TMX3: variants seen among roughly 807,000 people sequenced by gnomAD.
TMX3 encodes thioredoxin related transmembrane protein 3, also known as protein disulfide-isomerase TMX3.
TMX3 carries 40 observed loss-of-function variants against 64.4 expected under a neutral mutation model. The observed-to-expected ratio is 0.62, with a 90% confidence interval of 0.48 to 0.81. The LOEUF (loss-of-function observed/expected upper bound fraction) is 0.81. Among genes scored for constraint, TMX3 ranks in the 30% least tolerant of loss-of-function variants. The pLI is 0.00. For synonymous variants in TMX3, 189 were observed against 175.7 expected (o/e 1.08, Z -0.60); for missense variants, 497 against 534.5 (o/e 0.93, Z 0.69).
chr18:68,704,772 A>T (rs984955422), intron 4 of TMX3, among the ~76,000 whole-genome samples: 33 of 152,312 alleles, frequency 2.2e-4, no homozygotes, highest in Admixed American at 8.5e-4. Context: ...GAAGTCTTCT[A>T]CTTCATTTCT....
chr18:68,715,021 AGGGATAAAGACACTGGG>A lies in TMX3; in HGVS notation c.-57_-41del. 1 of 1,555,100 alleles carries A rather than the reference AGGGATAAAGACACTGGG, an allele frequency of 6.4e-7. No homozygotes were observed. The highest frequency in any genetic ancestry group is 8.7e-7 in the Non-Finnish European group (1 of 1,149,658). On this transcript the variant is annotated 5_prime_UTR_variant, in exon 1 of 16. Transcript: ENST00000299608. Reference sequence around the variant, plus strand: ...GCTGCAGAAGCTGACTGTGCAAAAGAGGGATAAAGACACTGGGGTCCGCCGCCTGCCCGCCCGGAAAG... The same window carrying A: ...GCTGCAGAAGCTGACTGTGCAAAAGAGTCCGCCGCCTGCCCGCCCGGAAAG...
At chr18:68,688,387 T>C (rs1035644950) in intron 9 of TMX3, 1 of 152,180 alleles carries the variant, frequency 6.6e-6, no homozygotes, top group Non-Finnish European at 1.5e-5. Flanking sequence ...TTTTCCAATA[T>C]AAAATAATTC....
chr18:68,677,371 T>C (rs1913024725), intron 15 of TMX3, among the ~76,000 whole-genome samples, 178 bp from the exon 16 acceptor site: 1 of 152,164 alleles, frequency 6.6e-6, no homozygotes, highest in South Asian at 2.1e-4. Context: ...AGAGATATAA[T>C]TTCTATATGC....
rs1176607314 is a variant in TMX3 at position 68,711,383 on chromosome 18, T to C, written c.122A>G (p.Asp41Gly). ...ACTTACATCTACAAGCCAAATGTCA[T>C]CATTTCGATTTTCTTTAAACCTAAA... Reference protein sequence around the residue: ...LDESFKENRNDDIWLVDFYAP... With the variant: ...LDESFKENRNGDIWLVDFYAP... The change falls in exon 3 of 16, where the codon GAT becomes GGT. Residue 41 changes from aspartate to glycine, a missense_variant. Asp to Gly is a moderately conservative substitution (Grantham distance 94, BLOSUM62 -1). Around this residue, in one of 3 missense-constraint regions of TMX3, gnomAD observed 360 missense variants for 383.5 expected, o/e 0.94. Coordinates refer to ENST00000299608, the MANE Select transcript of TMX3 (RefSeq NM_019022.5). 3 of 1,591,968 alleles carry C rather than the reference T, an allele frequency of 1.9e-6. No individual in the cohort carries two copies. Among genetic ancestry groups the C allele is most frequent in the Non-Finnish European group, 1.7e-6 (2 of 1,166,068 alleles).
At chr18:68,701,841 A>C (rs1352944298) in intron 4 of TMX3, 51 bp from the exon 5 acceptor site, 1 of 1,465,588 alleles carries the variant, frequency 6.8e-7, no homozygotes, top group East Asian at 2.3e-5. Flanking sequence ...AATATGAGAA[A>C]CTAGGTAACA....
intron 10 of TMX3, 120 bp downstream of exon 10, chr18:68,687,547 T>C (rs1914083930): frequency 1.4e-6 from 2 of 1,470,552 alleles, no homozygotes; most frequent in Admixed American, 2.7e-5. Context: ...GGCATTCAGA[T>C]CTAAAATAAA....
intron 2 of TMX3, among the ~76,000 whole-genome samples, chr18:68,713,046 C>T (rs2031446799): frequency 6.6e-6 from 1 of 151,556 alleles, no homozygotes; most frequent in Non-Finnish European, 1.5e-5. Flanking sequence ...CCTCAGTGTT[C>T]CATCTCTCCC....
chr18:68,676,854 C>T lies in TMX3; in HGVS notation c.*79G>A. On this transcript the variant is annotated 3_prime_UTR_variant, in exon 16 of 16. Transcript: ENST00000299608. ...ATAACATGTTCTTTTCTGTAAAGAT[C>T]ATGATTAAATGTCTAAATTCAATAA... 1 of 1,504,920 alleles carries T rather than the reference C, an allele frequency of 6.6e-7. No homozygotes were observed. The highest frequency in any genetic ancestry group is 8.9e-7 in the Non-Finnish European group (1 of 1,121,252). The allele number at this position is 1,504,920 out of a possible 1,614,324, so 93.2% of individuals were successfully genotyped here.
At chr18:68,711,269 T>C in intron 3 of TMX3, 95 bp downstream of exon 3, 1 of 790,228 alleles carries the variant, frequency 1.3e-6, no homozygotes, top group Non-Finnish European at 2.0e-6. Flanking sequence ...ACATAAGCAC[T>C]AGCTGTTTAC....
At chr18:68,708,348 A>AT (rs2030932186) in intron 4 of TMX3, among the ~76,000 whole-genome samples, 1 of 152,110 alleles carries the variant, frequency 6.6e-6, no homozygotes, top group South Asian at 2.1e-4. Context: ...AAGACCACAA[A>AT]TTCAAAATCA....
rs1365003798 is a variant in TMX3 at position 68,674,477 on chromosome 18, C to T, written c.*2456G>A. 3 of 151,964 alleles carry T rather than the reference C, an allele frequency of 2.0e-5. No individual in the cohort carries two copies. The highest frequency in any genetic ancestry group is 4.4e-5 in the Non-Finnish European group (3 of 67,958). The allele number at this position is 151,964 out of a possible 1,614,324, so 9.4% of individuals were successfully genotyped here. A position where few individuals can be genotyped will look rare whatever the true frequency, so the allele number is the denominator to read the frequency against. On this transcript the variant is annotated 3_prime_UTR_variant, in exon 16 of 16. Coordinates refer to ENST00000299608, the MANE Select transcript of TMX3 (RefSeq NM_019022.5). ...GCAATTAAAAGAGAAGGCAAAAATT[C>T]CAACTTCCTGAAGGACCCCATTATT...
chr18:68,708,624 C>A (rs2030959781), intron 4 of TMX3, among the ~76,000 whole-genome samples: 1 of 152,136 alleles, frequency 6.6e-6, no homozygotes, highest in Non-Finnish European at 1.5e-5. Flanking sequence ...CTTAGATGAT[C>A]TCCCTGTTTC....
At chr18:68,683,485 T>C (rs949457952) in intron 12 of TMX3, among the ~76,000 whole-genome samples, 4 of 152,158 alleles carry the variant, frequency 2.6e-5, no homozygotes, top group African/African-American at 9.6e-5. Context: ...TATATGTATT[T>C]CCGATGCCAT....
Position 68,675,182 on chromosome 18 carries a change from G to A in TMX3, c.*1751C>T, listed in dbSNP as rs771326271. On this transcript the variant is annotated 3_prime_UTR_variant, in exon 16 of 16. Transcript: ENST00000299608. ...CTTTTCACTACTGCAAAACAAGCTT[G>A]ACTATTGGGAACATTAACATTTATC... is the stretch of plus-strand genomic sequence containing the variant. 1 of 152,054 alleles carries A rather than the reference G, an allele frequency of 6.6e-6. No individual in the cohort carries two copies. Among genetic ancestry groups the A allele is most frequent in the Non-Finnish European group, 1.5e-5 (1 of 67,976 alleles). The allele number at this position is 152,054 out of a possible 1,614,324, so 9.4% of individuals were successfully genotyped here. A position where few individuals can be genotyped will look rare whatever the true frequency, so the allele number is the denominator to read the frequency against.
intron 8 of TMX3, among the ~76,000 whole-genome samples, chr18:68,695,302 T>C (rs1762403821): frequency 6.6e-6 from 1 of 152,188 alleles, no homozygotes; most frequent in Admixed American, 6.5e-5. Context: ...TTTTTCCTAA[T>C]TTACTATTTC....
chr18:68,677,974 T>C (rs1399746253), intron 15 of TMX3, among the ~76,000 whole-genome samples: 1 of 152,024 alleles, frequency 6.6e-6, no homozygotes, highest in East Asian at 1.9e-4. Context: ...ACGAGGAAAA[T>C]ACTTTAGATG....
rs1184033393 is a variant in TMX3, at chr18:68,700,473, G to C, written c.324C>G (p.Asp108Glu). Residue 108 changes from aspartate to glutamate, a missense_variant, in exon 6 of 16, where the codon GAC (aspartate) becomes GAG (glutamate). By Grantham distance (45) the Asp-to-Glu change is conservative. Transcript: ENST00000299608. ...GYPTIKLLKG[D>E]LAYNYRGPRT... Reference sequence around the variant, plus strand: ...GTGGTCCTCTATAATTATATGCCAAGTCCCCTTTTAATCTTTAAAAAAAAA... The same window carrying C: ...GTGGTCCTCTATAATTATATGCCAACTCCCCTTTTAATCTTTAAAAAAAAA... The C allele has an allele frequency of 3.2e-6, 5 of 1,544,250 alleles. No individual in the cohort carries two copies. The East Asian group carries it at 9.3e-5, about 29-fold the overall frequency.
In TMX3 at chr18:68,705,161, T is replaced by C. The variant is rs147461334; in HGVS notation, c.266-3371A>G. Among the ~76,000 whole-genome samples, 1,101 of 152,218 alleles carry C rather than the reference T, an allele frequency of 7.2e-3. 24 individuals carry two copies. Among genetic ancestry groups the C allele is most frequent in the East Asian group, 0.052 (268 of 5,172 alleles). On this transcript the variant is annotated intron_variant, in intron 4 of 15. Coordinates refer to ENST00000299608, the MANE Select transcript of TMX3 (RefSeq NM_019022.5). Reference sequence around the variant, plus strand: ...GGGAGAGAACACAACTGGTATCTAGTGGGCAGAGGTGAGGGAAGCTCCTAA... The same window carrying C: ...GGGAGAGAACACAACTGGTATCTAGCGGGCAGAGGTGAGGGAAGCTCCTAA...
intron 4 of TMX3, among the ~76,000 whole-genome samples, chr18:68,708,666 G>T (rs2030966081): frequency 6.6e-6 from 1 of 152,196 alleles, no homozygotes; most frequent in South Asian, 2.1e-4. Flanking sequence ...CCTAAAAGCT[G>T]CTGACAAAAT....
Sources: gnomAD v4.1 joint callset for allele counts (sites outside exome capture counted in the v4.1 genomes callset) on GRCh38, gnomAD v4.1.1 for gene constraint, gnomAD v4.1.1 regional missense constraint, MANE v1.5 for transcripts, NCBI Gene and HGNC (gene_info 2026-07-23, HGNC 2026-07-21) for gene names.